The following BCHE variants were observed in gnomAD, a reference collection of about 807,000 sequenced individuals.
BCHE encodes cholinesterase.
In BCHE, 48 loss-of-function variants were observed where a neutral mutation model predicts 51.3. The ratio of observed to expected loss-of-function variants is 0.94; its 90% confidence interval spans 0.74 to 1.19. The LOEUF is 1.19. BCHE is among the 50% of genes most tolerant of loss of function. The pLI, the probability that BCHE is intolerant of heterozygous loss-of-function variation, is 0.00. For missense variants in BCHE, 847 were observed against 708.2 expected (o/e 1.20, Z -2.23); for synonymous variants, 251 against 238.0 (o/e 1.05, Z -0.50).
chr3:165,834,474 A>G (rs1434956391), intron 1 of BCHE, among the ~76,000 whole-genome samples: 2 of 151,978 alleles, frequency 1.3e-5, no homozygotes, highest in African/African-American at 4.8e-5. Context: ...TTTAATGTGT[A>G]CTTTAATATA....
At position 165,830,944 on chromosome 3, in the gene BCHE, A is replaced by G; in HGVS notation, c.90T>C (p.Asp30=). ...CMLIGKSHTE[D]DIIIATKNGK... ...CATTCTTTGTTGCAATTATGATGTC[A>G]TCTTCAGTATGTGACTTCCCAATAA... The change falls in exon 2 of 4, where the codon GAT becomes GAC. Residue 30 remains aspartate, a synonymous_variant. Coordinates refer to ENST00000264381, the MANE Select transcript of BCHE (RefSeq NM_000055.4). The G allele has an allele frequency of 1.2e-6, 2 of 1,613,918 alleles. No homozygotes were observed. Among genetic ancestry groups the G allele is most frequent in the South Asian group, 1.1e-5 (1 of 91,084 alleles).
chr3:165,803,851 G>A (rs1209500432), intron 2 of BCHE, among the ~76,000 whole-genome samples: 1 of 152,108 alleles, frequency 6.6e-6, no homozygotes, highest in Admixed American at 6.6e-5. Context: ...AGGCACAGGG[G>A]TTTAGGAAGA....
intron 2 of BCHE, among the ~76,000 whole-genome samples, chr3:165,823,350 G>A (rs1013800123): frequency 1.3e-5 from 2 of 151,944 alleles, no homozygotes; most frequent in Non-Finnish European, 2.9e-5. Flanking sequence ...AAATACCAAC[G>A]GAGAGGAAAG....
intron 3 of BCHE, among the ~76,000 whole-genome samples, chr3:165,779,086 C>T (rs1482394965): frequency 2.0e-5 from 3 of 152,070 alleles, no homozygotes; most frequent in Admixed American, 6.6e-5. Flanking sequence ...GGGGATTATA[C>T]CAGCATTACT....
At chr3:165,833,771 A>G (rs1715076085) in intron 1 of BCHE, among the ~76,000 whole-genome samples, 1 of 126,438 alleles carries the variant, frequency 7.9e-6, no homozygotes, top group Non-Finnish European at 1.7e-5. Context: ...GGAGAAAAAC[A>G]AAGTGCTAGT....
intron 1 of BCHE, among the ~76,000 whole-genome samples, chr3:165,835,990 T>G (rs1465165530): frequency 6.6e-6 from 1 of 151,918 alleles, no homozygotes; most frequent in East Asian, 1.9e-4. Flanking sequence ...TATATTATAC[T>G]TATCAAGAAA....
intron 1 of BCHE, among the ~76,000 whole-genome samples, chr3:165,832,839 A>G (rs907513218): frequency 6.6e-6 from 1 of 152,112 alleles, no homozygotes; most frequent in African/African-American, 2.4e-5. Flanking sequence ...ATAAATAACT[A>G]TTCTAATGCC....
Position 165,773,356 on chromosome 3 carries a change from T to A in BCHE, c.*26A>T. On this transcript the variant is annotated 3_prime_UTR_variant, in exon 4 of 4. Transcript: ENST00000264381. ...TTTTGCCTTGATCTAAAGGAAAATA[T>A]GTTCTATAAAGGGTAAATCTATTAA... is the stretch of plus-strand genomic sequence containing the variant. 1 of 1,600,586 alleles carries A rather than the reference T, an allele frequency of 6.2e-7. No individual in the cohort carries two copies. Among genetic ancestry groups the A allele is most frequent in the South Asian group, 1.1e-5 (1 of 89,776 alleles).
intron 3 of BCHE, among the ~76,000 whole-genome samples, chr3:165,774,614 A>G (rs913510680): frequency 1.3e-5 from 2 of 152,156 alleles, no homozygotes; most frequent in African/African-American, 2.4e-5. Flanking sequence ...TGCTGGGAAT[A>G]GTCATGAACC....
chr3:165,788,960 G>T (rs1212485310), intron 2 of BCHE, among the ~76,000 whole-genome samples: 1 of 152,040 alleles, frequency 6.6e-6, no homozygotes, highest in African/African-American at 2.4e-5. Context: ...TAACAAGAGA[G>T]ACAATTCTGT....
At chr3:165,811,305 C>T (rs1714083530) in intron 2 of BCHE, among the ~76,000 whole-genome samples, 1 of 151,974 alleles carries the variant, frequency 6.6e-6, no homozygotes, top group Admixed American at 6.6e-5. Flanking sequence ...ATGTTTAAGG[C>T]TTCTTCTATC....
intron 1 of BCHE, among the ~76,000 whole-genome samples, chr3:165,831,428 A>G (rs1455393541): frequency 6.6e-6 from 1 of 152,162 alleles, no homozygotes; most frequent in East Asian, 1.9e-4. Flanking sequence ...CTGCCTTGGT[A>G]AGAGGAGAAA....
intron 2 of BCHE, among the ~76,000 whole-genome samples, chr3:165,819,772 G>T (rs1714445015): frequency 6.6e-6 from 1 of 151,896 alleles, no homozygotes; most frequent in Admixed American, 6.6e-5. Context: ...AGTCATATCT[G>T]ATTGTGGAAC....
chr3:165,784,368 G>A (rs1459361511), intron 3 of BCHE, among the ~76,000 whole-genome samples: 1 of 151,790 alleles, frequency 6.6e-6, no homozygotes, highest in East Asian at 1.9e-4. Flanking sequence ...TACAATAATT[G>A]TATCGTGCAT....
chr3:165,834,760 A>C (rs1386784994), intron 1 of BCHE, among the ~76,000 whole-genome samples: 1 of 151,850 alleles, frequency 6.6e-6, no homozygotes, highest in Non-Finnish European at 1.5e-5. Flanking sequence ...TAGGATATTC[A>C]ACAAAACATT....
chr3:165,780,326 G>C (rs1056834323), intron 3 of BCHE, among the ~76,000 whole-genome samples: 7 of 152,014 alleles, frequency 4.6e-5, no homozygotes, highest in Admixed American at 2.0e-4. Flanking sequence ...AATCTAAGCA[G>C]TACCATTCAG....
intron 2 of BCHE, among the ~76,000 whole-genome samples, chr3:165,802,628 G>GTTT (rs57147802): frequency 1.5e-5 from 2 of 137,208 alleles, no homozygotes; most frequent in African/African-American, 5.3e-5. Flanking sequence ...AGGAAAATTT[G>GTTT]TTTTTTTTTT....
At chr3:165,832,850 T>G (rs984117867) in intron 1 of BCHE, among the ~76,000 whole-genome samples, 1 of 152,138 alleles carries the variant, frequency 6.6e-6, no homozygotes, top group Non-Finnish European at 1.5e-5. Context: ...TTCTAATGCC[T>G]ATGTCCCAGA....
At chr3:165,803,928 CT>C (rs1251837116) in intron 2 of BCHE, among the ~76,000 whole-genome samples, 4 of 152,054 alleles carry the variant, frequency 2.6e-5, no homozygotes, top group African/African-American at 9.7e-5. Context: ...GTAAAACTGA[CT>C]GATATCACCC....
Sources: gnomAD v4.1 joint callset for allele counts (sites outside exome capture counted in the v4.1 genomes callset) on GRCh38, gnomAD v4.1.1 for gene constraint, MANE v1.5 for transcripts, NCBI Gene and HGNC (gene_info 2026-07-23, HGNC 2026-07-21) for gene names.